FRMPD4: variants seen among roughly 807,000 people sequenced by gnomAD.
FRMPD4 encodes the protein FERM and PDZ domain-containing protein 4.
Under a neutral mutation model 94.1 loss-of-function variants are expected in FRMPD4, and 22 were observed. The ratio of observed to expected loss-of-function variants is 0.23; its 90% CI spans 0.17 to 0.33. FRMPD4 has a LOEUF of 0.33. Ranked by LOEUF, FRMPD4 falls within the 10% of genes least tolerant of loss-of-function variation. FRMPD4 has a pLI of 1.00. For missense variants in FRMPD4, 1,111 were observed against 1,339.9 expected, an observed-to-expected ratio of 0.83 and a Z score of 2.67; for synonymous variants, 631 against 548.6, an observed-to-expected ratio of 1.15 and a Z score of -2.10.
intron 4 of FRMPD4, among the ~76,000 whole-genome samples, chrX:12,641,014 C>G (rs999305022): frequency 4.5e-5 from 5 of 111,200 alleles, no homozygotes; most frequent in Admixed American, 9.6e-5. Flanking sequence ...GAGACCCTAT[C>G]TCTAATTTTT....
At chrX:12,215,772 C>A (rs1024487137) in intron 1 of FRMPD4, among the ~76,000 whole-genome samples, 1 of 111,693 alleles carries the variant, frequency 9.0e-6, no homozygotes, top group Non-Finnish European at 1.9e-5. Context: ...AAATGAGCAG[C>A]CACATTTCTG....
chrX:11,837,471 A>G (rs1032236947), intron 1 of FRMPD4, among the ~76,000 whole-genome samples: 1 of 111,561 alleles, frequency 9.0e-6, no homozygotes, highest in African/African-American at 3.3e-5. Context: ...GGATGTGGTA[A>G]AAGAATCATG....
Position 12,067,762 on chromosome X carries a change from C to G in FRMPD4, c.95+189744C>G, listed in dbSNP as rs183666388. Among the ~76,000 whole-genome samples the G allele has an allele frequency of 3.6e-5, 4 of 111,951 alleles. No individual in the cohort carries two copies. In the East Asian group the frequency reaches 1.1e-3, roughly 31 times the overall value. ...AAACAAAATTGTGTGTTCTCAAGTT[C>G]TGTCACAGTTTTGGCATGCCCAAGT... On this transcript the variant is annotated intron_variant, in intron 3 of 18. Coordinates refer to the FRMPD4 transcript ENST00000640291.
At chrX:11,951,946 G>A (rs190229056) in intron 3 of FRMPD4, among the ~76,000 whole-genome samples, 61 of 112,185 alleles carry the variant, frequency 5.4e-4, no homozygotes, top group African/African-American at 1.9e-3. Flanking sequence ...TGAGGTGGGA[G>A]GATCACTTAA....
At chrX:12,258,445 C>T (rs2054144528) in intron 1 of FRMPD4, among the ~76,000 whole-genome samples, 1 of 111,250 alleles carries the variant, frequency 9.0e-6, no homozygotes, top group Non-Finnish European at 1.9e-5. Context: ...TATGACACAG[C>T]AAGAAGTCCC....
chrX:12,266,160 A>AAAG (rs1569211566), intron 1 of FRMPD4, among the ~76,000 whole-genome samples: 22 of 103,772 alleles, frequency 2.1e-4, no homozygotes, highest in African/African-American at 7.9e-4. Context: ...AAAAAAAAAA[A>AAAG]AGAGAAAACA....
At chrX:12,639,708 A>G (rs1285960055) in intron 4 of FRMPD4, among the ~76,000 whole-genome samples, 2 of 112,333 alleles carry the variant, frequency 1.8e-5, no homozygotes, top group African/African-American at 6.5e-5. Context: ...TGATTAATAT[A>G]TGTGAGTATA....
chrX:12,523,862 A>G (rs965058056), intron 2 of FRMPD4, among the ~76,000 whole-genome samples: 1 of 111,375 alleles, frequency 9.0e-6, no homozygotes, highest in East Asian at 2.8e-4. Context: ...AAAAAAAAAA[A>G]AAAGAACACC....
At chrX:12,115,906 G>C (rs2055404938) in intron 3 of FRMPD4, among the ~76,000 whole-genome samples, 1 of 111,835 alleles carries the variant, frequency 8.9e-6, no homozygotes, top group African/African-American at 3.3e-5. Flanking sequence ...TCTCCATGTA[G>C]TCGCGGAAAC....
intron 2 of FRMPD4, among the ~76,000 whole-genome samples, chrX:11,867,676 A>C (rs2053729247): frequency 8.9e-6 from 1 of 111,904 alleles, no homozygotes; most frequent in African/African-American, 3.2e-5. Context: ...CCAATGGGTC[A>C]TTTTCAGTCA....
chrX:11,991,569 C>T (rs1010478704), intron 3 of FRMPD4, among the ~76,000 whole-genome samples: 2 of 111,542 alleles, frequency 1.8e-5, no homozygotes, highest in African/African-American at 6.5e-5. Flanking sequence ...AATTTAGATG[C>T]TAATTGTAAT....
intron 2 of FRMPD4, chrX:12,583,394 G>A (rs73196370): frequency 0.026 from 27,268 of 1,061,510 alleles, 286 homozygotes; most frequent in Non-Finnish European, 0.031. Context: ...GGGAAGCTCC[G>A]CCAGTACTGG....
intron 3 of FRMPD4, among the ~76,000 whole-genome samples, chrX:12,008,241 T>TAGAGCAG (rs1306874458): frequency 6.3e-5 from 7 of 111,812 alleles, no homozygotes; most frequent in African/African-American, 2.3e-4. Flanking sequence ...AACTGAGGCA[T>TAGAGCAG]AGAGCAGAGA....
chrX:12,241,208 A>C (rs767486230), intron 1 of FRMPD4, among the ~76,000 whole-genome samples: 1 of 112,201 alleles, frequency 8.9e-6, no homozygotes, highest in Admixed American at 9.4e-5. Context: ...GACTCATTAC[A>C]TTCCAAAGAT....
chrX:12,165,826 TTCAC>T (rs2056106113), intron 1 of FRMPD4, among the ~76,000 whole-genome samples: 1 of 110,830 alleles, frequency 9.0e-6, no homozygotes, highest in Non-Finnish European at 1.9e-5. Context: ...TGAATGGGAG[TTCAC>T]TCATGATTTG....
intron 1 of FRMPD4, among the ~76,000 whole-genome samples, chrX:12,406,971 C>T (rs150312747): frequency 0.014 from 1,556 of 111,104 alleles, 60 homozygotes; most frequent in East Asian, 0.13. Flanking sequence ...GGGGAGAATA[C>T]ATTTTCTCAC....
intron 1 of FRMPD4, among the ~76,000 whole-genome samples, chrX:12,467,328 G>A (rs1304839721): frequency 2.7e-5 from 3 of 111,809 alleles, no homozygotes; most frequent in Admixed American, 9.5e-5. Context: ...TTTCCAACAC[G>A]GTTTCTTTTT....
intron 1 of FRMPD4, among the ~76,000 whole-genome samples, chrX:12,245,512 C>CTTT (rs566550884): frequency 1.4e-3 from 97 of 67,494 alleles, no homozygotes; most frequent in Non-Finnish European, 2.2e-3. Context: ...CTTATGTCCT[C>CTTT]TTTTTTTTTT....
chrX:11,954,226 C>T (rs1199361986), intron 3 of FRMPD4, among the ~76,000 whole-genome samples: 1 of 112,208 alleles, frequency 8.9e-6, no homozygotes. Context: ...GAAGTAGTAA[C>T]CAAACTTAGC....
Sources: allele counts gnomAD v4.1 joint callset (sites outside exome capture counted in the v4.1 genomes callset), GRCh38; gene constraint gnomAD v4.1.1; transcripts MANE v1.5; gene names NCBI Gene and HGNC (gene_info 2026-07-23, HGNC 2026-07-21).